LIMCH1: variants seen among roughly 807,000 people sequenced by gnomAD.
LIMCH1 encodes LIM and calponin homology domains 1.
Under a neutral mutation model 176.5 loss-of-function variants are expected in LIMCH1, and 113 were observed. The observed-to-expected ratio is 0.64, with a 90% confidence interval of 0.55 to 0.75. LIMCH1 has a LOEUF of 0.75. LIMCH1 is among the 30% of genes least tolerant of loss of function. The pLI is 0.00. For synonymous variants in LIMCH1, 619 were observed against 645.9 expected, an observed-to-expected ratio of 0.96 and a Z score of 0.63; for missense variants, 1,674 against 1,814.9, an observed-to-expected ratio of 0.92 and a Z score of 1.41.
chr4:41,509,325 C>T (rs1023267030), intron 2 of LIMCH1, among the ~76,000 whole-genome samples: 1 of 152,154 alleles, frequency 6.6e-6, no homozygotes, highest in African/African-American at 2.4e-5. Context: ...GATGGAGACC[C>T]GAGGTGGTAG....
intron 31 of LIMCH1, 115 bp from the exon 32 acceptor site, chr4:41,697,044 TC>T: frequency 9.9e-7 from 1 of 1,012,400 alleles, no homozygotes; most frequent in Non-Finnish European, 1.5e-6. Context: ...AAGTTTCTGG[TC>T]CCCAGGAAGA....
At chr4:41,599,202 C>A in intron 2 of LIMCH1, 176 bp downstream of exon 2, 1 of 480,416 alleles carries the variant, frequency 2.1e-6, no homozygotes, top group South Asian at 3.4e-5. Flanking sequence ...CTGTGCATAG[C>A]TTTCATTCTG....
chr4:41,529,387 C>T (rs6447084), intron 3 of LIMCH1, among the ~76,000 whole-genome samples: 41,833 of 152,078 alleles, frequency 0.28, 6,421 homozygotes, highest in South Asian at 0.43. Context: ...GTGATATTTG[C>T]GGATTCTGCC....
At chr4:41,467,751 A>G (rs1582693175) in intron 1 of LIMCH1, among the ~76,000 whole-genome samples, 1 of 152,336 alleles carries the variant, frequency 6.6e-6, no homozygotes, top group East Asian at 1.9e-4. Context: ...CACACAAAAG[A>G]TGATGTTCTG....
chr4:41,532,061 G>T (rs937681197), intron 3 of LIMCH1, among the ~76,000 whole-genome samples: 5 of 152,180 alleles, frequency 3.3e-5, no homozygotes, highest in Admixed American at 2.0e-4. Context: ...CACACAGAGG[G>T]AATGCTCAAT....
At chr4:41,600,374 C>T (rs182421158) in intron 2 of LIMCH1, among the ~76,000 whole-genome samples, 7 of 152,212 alleles carry the variant, frequency 4.6e-5, no homozygotes, top group African/African-American at 7.2e-5. Context: ...TAGTTTCACC[C>T]GGGTGGCAAG....
intron 1 of LIMCH1, among the ~76,000 whole-genome samples, chr4:41,570,751 C>A (rs1418179244): frequency 6.6e-6 from 1 of 152,038 alleles, no homozygotes; most frequent in African/African-American, 2.4e-5. Context: ...CACCGCCCAA[C>A]AAAAATAGAC....
chr4:41,638,791 G>A lies in LIMCH1; in HGVS notation c.2091-141G>A. The A allele has an allele frequency of 5.3e-6, 4 of 752,992 alleles. 1 individual carries two copies. The South Asian group carries it at 6.0e-5, about 11-fold the overall frequency. 46.6% of individuals were successfully genotyped at this position (752,992 alleles called of 1,614,324 possible). A position where few individuals can be genotyped will look rare whatever the true frequency, so the allele number is the denominator to read the frequency against. On this transcript the variant is annotated intron_variant, in intron 13 of 31. Transcript: ENST00000503057. ...CAGCAGCCAATGAATATTGCTAATT[G>A]TATAATGCCATTTCTCTTTCAGTAT...
intron 1 of LIMCH1, among the ~76,000 whole-genome samples, chr4:41,414,067 A>G (rs2154125560): frequency 6.6e-6 from 1 of 152,350 alleles, no homozygotes; most frequent in East Asian, 1.9e-4. Flanking sequence ...AGATTAGATT[A>G]CAGATTTATT....
At chr4:41,545,266 G>A (rs533411497) in intron 1 of LIMCH1, among the ~76,000 whole-genome samples, 1 of 152,192 alleles carries the variant, frequency 6.6e-6, no homozygotes, top group African/African-American at 2.4e-5. Flanking sequence ...GCTTCACAAA[G>A]GGGTATTGTG....
chr4:41,483,359 A>T (rs368771798), intron 1 of LIMCH1, among the ~76,000 whole-genome samples: 1 of 152,092 alleles, frequency 6.6e-6, no homozygotes. Context: ...TCTCATTGCA[A>T]TTCCAACCAT....
Position 41,697,531 on chromosome 4 carries a change from GT to G in LIMCH1, c.*350del. On this transcript the variant is annotated 3_prime_UTR_variant, in exon 32 of 32. Coordinates refer to ENST00000503057, the MANE Select transcript of LIMCH1 (RefSeq NM_001330672.2). Reference sequence around the variant, plus strand: ...ATTAGCTAAATGATGCAATAAACCTGTTTTGTTTTAGAATGTCTAGGAATTA... The same window carrying G: ...ATTAGCTAAATGATGCAATAAACCTGTTTGTTTTAGAATGTCTAGGAATTA... 3.8e-6 allele frequency: 1 copy of G among 261,412 alleles called. No individual in the cohort carries two copies. The highest frequency in any genetic ancestry group is 6.9e-5 in the East Asian group (1 of 14,528). 16.2% of individuals were successfully genotyped at this position (261,412 alleles called of 1,614,324 possible).
intron 26 of LIMCH1, among the ~76,000 whole-genome samples, chr4:41,683,643 TGG>T (rs1186255771): frequency 6.6e-6 from 1 of 152,192 alleles, no homozygotes; most frequent in African/African-American, 2.4e-5. Context: ...GCTTTCCTGG[TGG>T]GATTTTGCTC....
upstream of LIMCH1, among the ~76,000 whole-genome samples, chr4:41,536,284 C>T (rs2077936923): frequency 6.6e-6 from 1 of 152,156 alleles, no homozygotes; most frequent in Non-Finnish European, 1.5e-5. Flanking sequence ...TAAAACGTGC[C>T]TTCCTCTGGA....
At chr4:41,555,034 G>A (rs140068475) in intron 1 of LIMCH1, among the ~76,000 whole-genome samples, 1 of 152,302 alleles carries the variant, frequency 6.6e-6, no homozygotes, top group African/African-American at 2.4e-5. Flanking sequence ...GAGAACTCCT[G>A]TAGTTGATTA....
In LIMCH1 at chr4:41,465,029, G is replaced by T. The variant is rs551969017; in HGVS notation, c.97-29507G>T. Among the ~76,000 whole-genome samples, 16 of 152,186 alleles carry T rather than the reference G, an allele frequency of 1.1e-4. No homozygotes were observed. The South Asian group carries it at 3.1e-3, about 30-fold the overall frequency. On this transcript the variant is annotated intron_variant, in intron 1 of 26. Coordinates refer to the LIMCH1 transcript ENST00000313860. ...TGTCTTTCCTGCCTACCTTTTTTGGGTGCACATTCTGTATGTTTTAAACAT... is the reference window on the plus strand; with the variant it reads ...TGTCTTTCCTGCCTACCTTTTTTGGTTGCACATTCTGTATGTTTTAAACAT...
At chr4:41,500,803 T>C (rs774204898) in intron 2 of LIMCH1, among the ~76,000 whole-genome samples, 1 of 152,060 alleles carries the variant, frequency 6.6e-6, no homozygotes, top group Non-Finnish European at 1.5e-5. Flanking sequence ...GTAGTCCCAC[T>C]TGGGTTAAGA....
At chr4:41,462,341 T>G (rs568769853) in intron 1 of LIMCH1, among the ~76,000 whole-genome samples, 1 of 152,288 alleles carries the variant, frequency 6.6e-6, no homozygotes, top group Admixed American at 6.5e-5. Context: ...GAGAAAAATC[T>G]TTATTGGTAA....
At chr4:41,458,267 T>C (rs182523501) in intron 1 of LIMCH1, among the ~76,000 whole-genome samples, 2 of 152,318 alleles carry the variant, frequency 1.3e-5, no homozygotes, top group African/African-American at 2.4e-5. Flanking sequence ...TGCTTCCAAT[T>C]TATTTGCTAC....
Sources: allele counts gnomAD v4.1 joint callset (sites outside exome capture counted in the v4.1 genomes callset), GRCh38; gene constraint gnomAD v4.1.1; transcripts MANE v1.5; gene names NCBI Gene and HGNC (gene_info 2026-07-23, HGNC 2026-07-21).